Variants in MYT1 observed in about 807,000 individuals in gnomAD.
The protein encoded by MYT1 is myelin transcription factor 1.
In MYT1, 23 loss-of-function variants were observed where a neutral mutation model predicts 123.0. That is an observed-to-expected ratio of 0.19 (90% CI 0.13 to 0.26). MYT1 has a LOEUF of 0.26. Ranked by LOEUF, MYT1 falls within the 10% of genes least tolerant of loss-of-function variation. MYT1 has a pLI of 1.00. For missense variants in MYT1, 1,125 were observed against 1,472.5 expected (o/e 0.76, Z 3.86); for synonymous variants, 518 against 575.3 (o/e 0.90, Z 1.43).
At chr20:64,230,053 C>T (rs991210582) in intron 18 of MYT1, among the ~76,000 whole-genome samples, 1 of 152,184 alleles carries the variant, frequency 6.6e-6, no homozygotes, top group African/African-American at 2.4e-5. Flanking sequence ...GCCCCAGCAC[C>T]TCTCAACATG....
At chr20:64,230,226 A>G (rs73916740) in intron 18 of MYT1, among the ~76,000 whole-genome samples, 3,731 of 152,308 alleles carry the variant, frequency 0.024, 161 homozygotes, top group African/African-American at 0.085. Context: ...AATAACTCAG[A>G]TTTGGGCCGG....
At chr20:64,238,348 C>T (rs1239883411) in intron 21 of MYT1, among the ~76,000 whole-genome samples, 2 of 152,156 alleles carry the variant, frequency 1.3e-5, no homozygotes, top group African/African-American at 2.4e-5. Flanking sequence ...GTAACATCCT[C>T]CAGCCCCACG....
At chr20:64,206,323 G>T (rs1983487905) in intron 6 of MYT1, among the ~76,000 whole-genome samples, 1 of 152,208 alleles carries the variant, frequency 6.6e-6, no homozygotes, top group South Asian at 2.1e-4. Flanking sequence ...TGAAGACGGG[G>T]TGCCCGGGGA....
Position 64,208,574 on chromosome 20 carries a change from G to A in MYT1, c.1291+87G>A. 6 of 1,484,454 alleles carry A rather than the reference G, an allele frequency of 4.0e-6. No homozygotes were observed. 92.0% of individuals were successfully genotyped at this position (1,484,454 alleles called of 1,614,324 possible). A position where few individuals can be genotyped will look rare whatever the true frequency, so the allele number is the denominator to read the frequency against. The stretch of plus-strand genomic sequence containing the variant: ...AGATGCAGGCTGAGAGCCCTTCTAG[G>A]ACAGGGGGCTGGGGGATGGCAGAAA... On this transcript the variant is annotated intron_variant, in intron 7 of 22. Transcript: ENST00000328439. The surrounding 1 kb of genome is among the most constrained non-coding windows in gnomAD (Gnocchi z 5.4).
chr20:64,212,087 C>T lies in MYT1; in HGVS notation c.1466C>T (p.Pro489Leu). Residue 489 changes from proline to leucine, a missense_variant, in exon 9 of 23, where the codon CCT (proline) becomes CTT (leucine). By Grantham distance (98) the Pro-to-Leu change is moderately conservative. Around this residue, in one of 4 missense-constraint regions of MYT1, gnomAD observed 429 missense variants for 604.1 expected, o/e 0.71. Coordinates refer to ENST00000328439, the MANE Select transcript of MYT1 (RefSeq NM_004535.3). This position sits in a 1 kb window ranked among gnomAD's most constrained non-coding sequence, Gnocchi z 6.8. ...GAGAACGTGCTGAAGTGCCCCACTC[C>T]TGGCTGCACAGGCCAGGGTCACGTG... Reference protein sequence around the residue: ...MHENVLKCPTPGCTGQGHVNS... With the variant: ...MHENVLKCPTLGCTGQGHVNS... 2 of 1,613,972 alleles carry T rather than the reference C, an allele frequency of 1.2e-6. No individual in the cohort carries two copies. Among genetic ancestry groups the T allele is most frequent in the Non-Finnish European group, 1.7e-6 (2 of 1,179,958 alleles).
chr20:64,207,031 G>A (rs1237566379), intron 6 of MYT1, among the ~76,000 whole-genome samples: 11 of 152,130 alleles, frequency 7.2e-5, no homozygotes, highest in African/African-American at 2.4e-5. Context: ...CTACAGGTGT[G>A]CACCACCACG....
chr20:64,194,986 C>T lies in MYT1; in HGVS notation c.1-3876C>T, dbSNP rs141165370. Among the ~76,000 whole-genome samples the T allele has an allele frequency of 8.0e-4, 122 of 152,172 alleles. 1 individual carries two copies. The highest frequency in any genetic ancestry group is 2.4e-3 in the African/African-American group (99 of 41,508). On this transcript the variant is annotated intron_variant, in intron 2 of 22. Coordinates refer to ENST00000328439, the MANE Select transcript of MYT1 (RefSeq NM_004535.3). ...TCTCAGCTCACCTCAACCTTTGCCT[C>T]GGGGGTTCAGGTGATTCTCCTGCCT...
chr20:64,235,334 C>T (rs1375417064), intron 19 of MYT1, among the ~76,000 whole-genome samples: 12 of 100,490 alleles, frequency 1.2e-4, no homozygotes, highest in South Asian at 3.9e-4. Flanking sequence ...CTGGGCTGGC[C>T]GTGGTGGGTG....
At chr20:64,178,903 G>T (rs79303260) in intron 1 of MYT1, among the ~76,000 whole-genome samples, 3 of 79,926 alleles carry the variant, frequency 3.8e-5, no homozygotes, top group South Asian at 5.4e-4. Context: ...TCAGTGGGAT[G>T]CCCTTCAACG....
intron 11 of MYT1, among the ~76,000 whole-genome samples, chr20:64,217,788 A>G (rs1409412841): frequency 3.3e-5 from 5 of 152,216 alleles, no homozygotes; most frequent in African/African-American, 1.2e-4. Flanking sequence ...CCTGGTGGGG[A>G]CCATCTTACT....
chr20:64,235,678 A>C (rs370394234), intron 19 of MYT1, among the ~76,000 whole-genome samples: 8,003 of 55,952 alleles, frequency 0.14, 406 homozygotes, highest in South Asian at 0.16. Flanking sequence ...GGTGGGTGAC[A>C]CTGGGCTGGT....
chr20:64,231,737 G>A lies in MYT1; in HGVS notation c.2676-427G>A, dbSNP rs1463850700. Among the ~76,000 whole-genome samples, 1 of 152,182 alleles carries A rather than the reference G, an allele frequency of 6.6e-6. No homozygotes were observed. The highest frequency in any genetic ancestry group is 1.5e-5 in the Non-Finnish European group (1 of 68,020). On this transcript the variant is annotated intron_variant, in intron 18 of 22. Coordinates refer to ENST00000328439, the MANE Select transcript of MYT1 (RefSeq NM_004535.3). This position sits in a 1 kb window ranked among gnomAD's most constrained non-coding sequence, Gnocchi z 6.4. ...TTCTTTTGTGATCCATAGGCCCCCA[G>A]GCCTATGCTTGATGCAAGCTCCCAG...
Position 64,240,368 on chromosome 20 carries a change from G to C in MYT1, c.3286G>C (p.Asp1096His). 2 of 1,614,052 alleles carry C rather than the reference G, an allele frequency of 1.2e-6. No individual in the cohort carries two copies. The highest frequency in any genetic ancestry group is 8.5e-7 in the Non-Finnish European group (1 of 1,180,022). ...CGATGCCTATGTGAGCACCCTCACC[G>C]ACATGTACTCCAACCAGGACCCGGA... The part of the protein sequence containing the change: ...NFDAYVSTLT[D>H]MYSNQDPENK... The change falls in exon 23 of 23, where the codon GAC becomes CAC. Residue 1096 changes from aspartate to histidine, a missense_variant. Physicochemically the swap from Asp to His is moderately conservative, Grantham distance 81. Around this residue, in one of 4 missense-constraint regions of MYT1, gnomAD observed 243 missense variants for 323.1 expected, o/e 0.75. Transcript: ENST00000328439.
chr20:64,214,372 C>T (rs570396967), intron 10 of MYT1, among the ~76,000 whole-genome samples: 5 of 152,322 alleles, frequency 3.3e-5, no homozygotes, highest in Admixed American at 2.0e-4. Flanking sequence ...AGTATGTTTA[C>T]ATGTGCGTGC....
intron 16 of MYT1, among the ~76,000 whole-genome samples, chr20:64,225,828 C>T (rs540300384): frequency 2.0e-4 from 31 of 152,142 alleles, no homozygotes; most frequent in Non-Finnish European, 3.7e-4. Context: ...GCCATTGAAT[C>T]GGGCCTTAGT....
chr20:64,217,392 C>A, intron 11 of MYT1, 111 bp downstream of exon 11: 1 of 1,188,672 alleles, frequency 8.4e-7, no homozygotes, highest in Non-Finnish European at 1.2e-6. Flanking sequence ...GGGAGGGAAA[C>A]TCTACCCTCA....
chr20:64,181,918 CTGGACCTCAGGGG>C (rs1982663284), intron 1 of MYT1, among the ~76,000 whole-genome samples: 1 of 152,160 alleles, frequency 6.6e-6, no homozygotes, highest in Non-Finnish European at 1.5e-5. Context: ...GGGGTGTAGC[CTGGACCTCAGGGG>C]TGTCCCCTTG....
rs1233662260 is a variant in MYT1, at chr20:64,189,621, T to C, written c.-98-442T>C. 6.6e-6 allele frequency among the ~76,000 whole-genome samples: 1 copy of C among 152,226 alleles called. No individual in the cohort carries two copies. The highest frequency in any genetic ancestry group is 2.4e-5 in the African/African-American group (1 of 41,472). ...GAAGTCGTGCAAAACAATCTTCTTT[T>C]TCAAATGCATATGTACTGTGCATTC... On this transcript the variant is annotated intron_variant, in intron 1 of 22. Coordinates refer to ENST00000328439, the MANE Select transcript of MYT1 (RefSeq NM_004535.3). The surrounding 1 kb of genome is among the most constrained non-coding windows in gnomAD (Gnocchi z 5.5).
chr20:64,170,967 G>A (rs1477052096), intron 1 of MYT1, among the ~76,000 whole-genome samples: 3 of 146,798 alleles, frequency 2.0e-5, no homozygotes, highest in African/African-American at 7.6e-5. Flanking sequence ...TGGCTGGAGT[G>A]CAGTGGCGCC....
Sources: gnomAD v4.1 joint callset for allele counts (sites outside exome capture counted in the v4.1 genomes callset) on GRCh38, gnomAD v4.1.1 for gene constraint, gnomAD v4.1.1 regional missense constraint, Gnocchi (gnomAD v3.1) non-coding constraint, MANE v1.5 for transcripts, NCBI Gene and HGNC (gene_info 2026-07-23, HGNC 2026-07-21) for gene names.